Variants in PLEKHA7 observed in about 807,000 individuals in gnomAD.
PLEKHA7 encodes the protein pleckstrin homology domain-containing family A member 7.
A neutral mutation model predicts 170.0 loss-of-function variants in PLEKHA7; 104 were observed. The ratio of observed to expected loss-of-function variants is 0.61; its 90% CI spans 0.52 to 0.72. The LOEUF (loss-of-function observed/expected upper bound fraction) is 0.72, where lower values mean the gene tolerates loss of function less well. Ranked by LOEUF, PLEKHA7 falls within the 30% of genes least tolerant of loss-of-function variation. The pLI is 0.00. For synonymous variants in PLEKHA7, 648 were observed against 660.8 expected (o/e 0.98, Z 0.30); for missense variants, 1,615 against 1,671.7 (o/e 0.97, Z 0.59).
intron 4 of PLEKHA7, among the ~76,000 whole-genome samples, chr11:16,858,022 T>G (rs1026241439): frequency 6.6e-6 from 1 of 152,240 alleles, no homozygotes; most frequent in African/African-American, 2.4e-5. Context: ...CCTGGCCTGT[T>G]TGGGATTTTA....
At chr11:16,807,150 C>T in intron 13 of PLEKHA7, 1 of 984,502 alleles carries the variant, frequency 1.0e-6, no homozygotes, top group Non-Finnish European at 1.2e-6. Context: ...TTACGCTTCT[C>T]CTGGGCCGAC....
intron 12 of PLEKHA7, among the ~76,000 whole-genome samples, chr11:16,814,003 G>A (rs1223714909): frequency 6.6e-6 from 1 of 152,168 alleles, no homozygotes; most frequent in Non-Finnish European, 1.5e-5. Context: ...GACTAAGAGG[G>A]TCACAGCCAA....
intron 3 of PLEKHA7, among the ~76,000 whole-genome samples, chr11:16,906,895 G>A (rs1208045684): frequency 2.1e-5 from 3 of 143,036 alleles, no homozygotes; most frequent in Admixed American, 6.9e-5. Flanking sequence ...TCTCTGCCAC[G>A]CCGCCCATCG....
chr11:16,925,791 C>A (rs1284504916), intron 3 of PLEKHA7, among the ~76,000 whole-genome samples: 1 of 152,240 alleles, frequency 6.6e-6, no homozygotes, highest in Non-Finnish European at 1.5e-5. Flanking sequence ...CGCCAGACAG[C>A]GGACCCCAGC....
At chr11:16,877,696 A>G (rs913386092) in intron 3 of PLEKHA7, among the ~76,000 whole-genome samples, 1 of 152,210 alleles carries the variant, frequency 6.6e-6, no homozygotes, top group African/African-American at 2.4e-5. Flanking sequence ...CTTTAAGTAG[A>G]AGATATCAAC....
chr11:16,989,735 G>A (rs1438870767), intron 3 of PLEKHA7, among the ~76,000 whole-genome samples: 1 of 152,240 alleles, frequency 6.6e-6, no homozygotes, highest in Non-Finnish European at 1.5e-5. Flanking sequence ...TGATGAACAA[G>A]TGATTATATG....
intron 3 of PLEKHA7, among the ~76,000 whole-genome samples, chr11:16,971,235 C>T (rs1862693747): frequency 6.6e-6 from 1 of 152,180 alleles, no homozygotes; most frequent in South Asian, 2.1e-4. Context: ...GACAATATAG[C>T]TTTGTATGTA....
chr11:16,897,448 TTACTGTC>T (rs1217669166), intron 3 of PLEKHA7, among the ~76,000 whole-genome samples: 2 of 152,188 alleles, frequency 1.3e-5, no homozygotes, highest in Non-Finnish European at 2.9e-5. Flanking sequence ...GAGCCTACTC[TTACTGTC>T]AGAAACAGCT....
intron 3 of PLEKHA7, among the ~76,000 whole-genome samples, chr11:16,899,777 T>C (rs1857214615): frequency 6.6e-6 from 1 of 152,256 alleles, no homozygotes; most frequent in South Asian, 2.1e-4. Context: ...ATTTCCATTA[T>C]AGGGCAGGAA....
At chr11:16,918,602 T>C (rs1399487787) in intron 3 of PLEKHA7, among the ~76,000 whole-genome samples, 5 of 152,162 alleles carry the variant, frequency 3.3e-5, no homozygotes, top group Admixed American at 1.3e-4. Context: ...TCACTAAGGG[T>C]TGGCTCCCTT....
chr11:16,873,897 C>T (rs1855071652), intron 3 of PLEKHA7, among the ~76,000 whole-genome samples: 1 of 152,100 alleles, frequency 6.6e-6, no homozygotes, highest in African/African-American at 2.4e-5. Context: ...AAACTCCTGA[C>T]CTCAGGTGAT....
intron 3 of PLEKHA7, among the ~76,000 whole-genome samples, chr11:16,921,382 CA>C (rs148340764): frequency 0.053 from 8,029 of 152,230 alleles, 680 homozygotes; most frequent in African/African-American, 0.18. Flanking sequence ...AAGTCACAGA[CA>C]AGAAGGCACT....
At chr11:16,792,282 CATGTT>C (rs1212378973) in intron 19 of PLEKHA7, among the ~76,000 whole-genome samples, 1 of 152,098 alleles carries the variant, frequency 6.6e-6, no homozygotes, top group African/African-American at 2.4e-5. Context: ...GGGAAGGAGA[CATGTT>C]ATTATGTACT....
At chr11:16,918,619 G>C (rs968325786) in intron 3 of PLEKHA7, among the ~76,000 whole-genome samples, 6 of 152,160 alleles carry the variant, frequency 3.9e-5, no homozygotes, top group Non-Finnish European at 7.3e-5. Flanking sequence ...CCTTCTACTT[G>C]CCCCTGAAAT....
At chr11:16,830,392 A>G (rs1009333721) in intron 9 of PLEKHA7, among the ~76,000 whole-genome samples, 2 of 152,200 alleles carry the variant, frequency 1.3e-5, no homozygotes, top group African/African-American at 2.4e-5. Flanking sequence ...CACCCTGGCC[A>G]AGTCGCTGAA....
Position 16,789,671 on chromosome 11 carries a change from G to T in PLEKHA7, c.3156+104C>A. 9.7e-7 allele frequency: 1 copy of T among 1,034,308 alleles called. No homozygotes were observed. The highest frequency in any genetic ancestry group is 1.4e-6 in the Non-Finnish European group (1 of 700,672). The allele number at this position is 1,034,308 out of a possible 1,614,324, so 64.1% of individuals were successfully genotyped here. ...AGGAGGGGCTGAGGCCACCCCAGAGGCCATCCCCAGGGCTGAAGGGATGGC... is the reference window on the plus strand; with the variant it reads ...AGGAGGGGCTGAGGCCACCCCAGAGTCCATCCCCAGGGCTGAAGGGATGGC... On this transcript the variant is annotated intron_variant, in intron 22 of 26. Transcript: ENST00000531066. This position sits in a 1 kb window ranked among gnomAD's most constrained non-coding sequence, Gnocchi z 4.6.
At chr11:16,802,414 A>G (rs1848654672) in intron 15 of PLEKHA7, among the ~76,000 whole-genome samples, 1 of 152,194 alleles carries the variant, frequency 6.6e-6, no homozygotes, top group Admixed American at 6.5e-5. Flanking sequence ...GGGTCATCAC[A>G]TATAAGCCAG....
chr11:17,012,300 G>C (rs561107352), intron 3 of PLEKHA7, among the ~76,000 whole-genome samples: 68 of 152,120 alleles, frequency 4.5e-4, no homozygotes, highest in African/African-American at 1.6e-3. Context: ...TCCTACCTGT[G>C]ACCTCTCCTC....
At chr11:16,875,371 A>G (rs992443417) in intron 3 of PLEKHA7, among the ~76,000 whole-genome samples, 2 of 152,018 alleles carry the variant, frequency 1.3e-5, no homozygotes, top group African/African-American at 4.8e-5. Flanking sequence ...TTTTTTTCAA[A>G]AAGACTCATA....
Sources: allele counts gnomAD v4.1 joint callset (sites outside exome capture counted in the v4.1 genomes callset), GRCh38; gene constraint gnomAD v4.1.1; non-coding constraint Gnocchi (gnomAD v3.1); transcripts MANE v1.5; gene names NCBI Gene and HGNC (gene_info 2026-07-23, HGNC 2026-07-21).